The following ASAH2 variants were observed in gnomAD, a reference collection of about 807,000 sequenced individuals.
ASAH2 encodes the protein neutral ceramidase.
In ASAH2, 58 loss-of-function variants were observed where a neutral mutation model predicts 82.9. That is an observed-to-expected ratio of 0.70 (90% CI 0.57 to 0.87). ASAH2 has a LOEUF of 0.87. ASAH2 is among the 40% of genes least tolerant of loss of function. The pLI is 0.00. For synonymous variants in ASAH2, 276 were observed against 289.7 expected (o/e 0.95, Z 0.48); for missense variants, 779 against 834.0 (o/e 0.93, Z 0.81).
intron 16 of ASAH2, among the ~76,000 whole-genome samples, chr10:50,201,573 G>C (rs1845149403): frequency 6.6e-6 from 1 of 152,070 alleles, no homozygotes; most frequent in Non-Finnish European, 1.5e-5. Context: ...CTGCAGGGGG[G>C]TTCAGGGAAC....
Position 50,211,132 on chromosome 10 carries a change from T to C in ASAH2, c.1230A>G (p.Glu410=). 6.2e-7 allele frequency: 1 copy of C among 1,610,780 alleles called. No homozygotes were observed. The highest frequency in any genetic ancestry group is 1.7e-4 in the Middle Eastern group (1 of 6,046). The part of the protein sequence containing the change: ...IGRAMYQRAK[E]LYASASQEVT... ...CCTCCTGGGAGGCAGAGGCATAGAG[T>C]TCCTAGAAAACACACAGGCTTATTA... The change falls in exon 11 of 21, where the codon GAA becomes GAG. Residue 410 remains glutamate (E), a splice_region_variant and synonymous_variant. Transcript: ENST00000682911.
intron 9 of ASAH2, among the ~76,000 whole-genome samples, chr10:50,213,818 G>GA (rs1282126703): frequency 6.6e-6 from 1 of 151,940 alleles, no homozygotes; most frequent in Non-Finnish European, 1.5e-5. Context: ...AAGTCGATAA[G>GA]AAAAAAATCT....
rs1288060713 is a variant in ASAH2, at chr10:50,199,006, A to G, written c.1857+45T>C. On this transcript the variant is annotated intron_variant, in intron 17 of 20. Coordinates refer to ENST00000682911, the MANE Select transcript of ASAH2 (RefSeq NM_019893.4). ...CATACAGACATACACACACACACACACACACACGCACGCGCGCATGCACGC... is the reference window on the plus strand; with the variant it reads ...CATACAGACATACACACACACACACGCACACACGCACGCGCGCATGCACGC... The G allele has an allele frequency of 6.0e-4, 951 of 1,586,326 alleles. 7 individuals carry two copies. The African/African-American group carries it at 0.012, about 19-fold the overall frequency.
At chr10:50,197,072 T>C (rs1845008248) in intron 17 of ASAH2, among the ~76,000 whole-genome samples, 153 bp from the exon 18 acceptor site, 1 of 147,742 alleles carries the variant, frequency 6.8e-6, no homozygotes, top group African/African-American at 2.5e-5. Context: ...AATAGGAAGG[T>C]AGCCTTGCTA....
At chr10:50,218,105 T>C (rs1397606260) in intron 8 of ASAH2, among the ~76,000 whole-genome samples, 4 of 148,762 alleles carry the variant, frequency 2.7e-5, no homozygotes, top group South Asian at 2.2e-4. Context: ...GCTTGGGTGA[T>C]AGAGTGAAAC....
intron 7 of ASAH2, among the ~76,000 whole-genome samples, chr10:50,227,086 C>T (rs1199603525): frequency 6.6e-6 from 1 of 152,060 alleles, no homozygotes; most frequent in Non-Finnish European, 1.5e-5. Flanking sequence ...ATAATAATCA[C>T]AATTCCTGAA....
chr10:50,212,826 C>T lies in ASAH2; in HGVS notation c.1227+146G>A, dbSNP rs1028779503. 13 of 808,716 alleles carry T rather than the reference C, an allele frequency of 1.6e-5. No homozygotes were observed. The African/African-American group carries it at 2.2e-4, about 14-fold the overall frequency. 50.1% of individuals were successfully genotyped at this position (808,716 alleles called of 1,614,324 possible). On this transcript the variant is annotated intron_variant, in intron 10 of 20. Transcript: ENST00000682911. The stretch of plus-strand genomic sequence containing the variant: ...TTCCCATGTGGATTGCAAAGGCCAC[C>T]TCCCAAGCTGACCTCTTCTAGACTC...
Position 50,229,546 on chromosome 10 carries a change from C to G in ASAH2, c.893+3638G>C, listed in dbSNP as rs1463760666. ...CTTCCCAATCCTTCGACAGCCCCAA[C>G]TCCCAACCCAAGTTTGAAACACTTT... is the stretch of plus-strand genomic sequence containing the variant. On this transcript the variant is annotated intron_variant, in intron 7 of 20. Transcript: ENST00000682911. Among the ~76,000 whole-genome samples the G allele has an allele frequency of 2.6e-5, 4 of 152,286 alleles. No individual in the cohort carries two copies. The East Asian group carries it at 7.7e-4, about 29-fold the overall frequency.
chr10:50,209,659 A>T lies in ASAH2; in HGVS notation c.1414+1164T>A, dbSNP rs1845400947. Among the ~76,000 whole-genome samples the T allele has an allele frequency of 4.6e-5, 7 of 152,306 alleles. No homozygotes were observed. The South Asian group carries it at 1.4e-3, about 32-fold the overall frequency. On this transcript the variant is annotated intron_variant, in intron 12 of 20. Transcript: ENST00000682911. ...ACACATCTGATAAGGGAACGTATAC[A>T]GAATACACAAAGAACATTTATACTC...
chr10:50,241,536 G>A (rs988063170), intron 4 of ASAH2, among the ~76,000 whole-genome samples: 5 of 152,100 alleles, frequency 3.3e-5, no homozygotes, highest in African/African-American at 1.2e-4. Context: ...CCTTCTAAGA[G>A]TATAGAATAA....
chr10:50,245,723 C>T (rs1846438318), intron 2 of ASAH2, among the ~76,000 whole-genome samples: 1 of 152,154 alleles, frequency 6.6e-6, no homozygotes, highest in South Asian at 2.1e-4. Context: ...AAACTCACTG[C>T]CTTCACTCAA....
chr10:50,210,404 G>A (rs1845421342), intron 12 of ASAH2, among the ~76,000 whole-genome samples: 1 of 152,060 alleles, frequency 6.6e-6, no homozygotes, highest in Non-Finnish European at 1.5e-5. Flanking sequence ...GGAGGCTGAG[G>A]CAGGAGAATA....
At chr10:50,204,782 T>C in intron 14 of ASAH2, 79 bp downstream of exon 14, 1 of 1,116,352 alleles carries the variant, frequency 9.0e-7, no homozygotes. Context: ...CACAGAATGA[T>C]CTTTTCATGA....
intron 2 of ASAH2, among the ~76,000 whole-genome samples, chr10:50,245,793 C>A (rs1444216608): frequency 6.6e-6 from 1 of 152,146 alleles, no homozygotes; most frequent in African/African-American, 2.4e-5. Context: ...AATCCAATAT[C>A]TGGGGATTGG....
At chr10:50,210,037 T>C (rs1024287903) in intron 12 of ASAH2, among the ~76,000 whole-genome samples, 6 of 152,108 alleles carry the variant, frequency 3.9e-5, no homozygotes, top group African/African-American at 9.7e-5. Flanking sequence ...CCTAGATATA[T>C]ACCCAAGAGG....
intron 8 of ASAH2, among the ~76,000 whole-genome samples, chr10:50,218,177 C>A (rs1245421356): frequency 6.6e-6 from 1 of 152,032 alleles, no homozygotes; most frequent in Non-Finnish European, 1.5e-5. Context: ...GCTCTAAAAA[C>A]AAAAGTAAAT....
rs1237624292 is a variant in ASAH2, at chr10:50,203,689, G to GA, written c.1626-11dup. ...TCGTCCAGACATGGTCCTGAGTCAA[G>GA]AAAAAAATTATGTAAACGTTTTCCT... On this transcript the variant is annotated splice_polypyrimidine_tract_variant and intron_variant, in intron 14 of 20. Transcript: ENST00000682911. 16 of 1,612,072 alleles carry GA rather than the reference G, an allele frequency of 9.9e-6. No individual in the cohort carries two copies. Among genetic ancestry groups the GA allele is most frequent in the East Asian group, 4.5e-5 (2 of 44,820 alleles).
At chr10:50,227,138 C>G (rs1447191285) in intron 7 of ASAH2, among the ~76,000 whole-genome samples, 1 of 151,896 alleles carries the variant, frequency 6.6e-6, no homozygotes, top group Admixed American at 6.6e-5. Context: ...TGTCAGAGTA[C>G]AAAAGAAATA....
chr10:50,218,232 A>C (rs1845658573), intron 8 of ASAH2, among the ~76,000 whole-genome samples: 1 of 152,264 alleles, frequency 6.6e-6, no homozygotes. Context: ...ACCTACTGTT[A>C]TAAAAATCTT....
Sources: gnomAD v4.1 joint callset for allele counts (sites outside exome capture counted in the v4.1 genomes callset) on GRCh38, gnomAD v4.1.1 for gene constraint, MANE v1.5 for transcripts, NCBI Gene and HGNC (gene_info 2026-07-23, HGNC 2026-07-21) for gene names.